Variants in WWOX observed in about 807,000 individuals in gnomAD.
The protein encoded by WWOX is WW domain-containing oxidoreductase.
WWOX carries 69 observed loss-of-function variants against 46.2 expected under a neutral mutation model. That is an observed-to-expected ratio of 1.49 (90% CI 1.23 to 1.82). The LOEUF (loss-of-function observed/expected upper bound fraction) is 1.82, where lower values mean the gene tolerates loss of function less well. WWOX is among the 40% of genes most tolerant of loss of function. The pLI is 0.00. For synonymous variants in WWOX, 359 were observed against 202.6 expected (o/e 1.77, Z -6.56); for missense variants, 919 against 542.6 (o/e 1.69, Z -6.89).
chr16:79,015,778 A>T (rs953724178), intron 8 of WWOX, among the ~76,000 whole-genome samples: 1 of 151,894 alleles, frequency 6.6e-6, no homozygotes, highest in African/African-American at 2.4e-5. Flanking sequence ...TCTGAGACAG[A>T]CTGTCGCTCT....
chr16:78,779,123 A>C (rs2050263715), intron 8 of WWOX, among the ~76,000 whole-genome samples: 2 of 152,152 alleles, frequency 1.3e-5, no homozygotes, highest in East Asian at 1.9e-4. Context: ...AGTGTTGGAA[A>C]ACATAAATGT....
chr16:78,675,692 T>C (rs2047580775), intron 8 of WWOX, among the ~76,000 whole-genome samples: 1 of 152,178 alleles, frequency 6.6e-6, no homozygotes, highest in Non-Finnish European at 1.5e-5. Context: ...CATGACTTTC[T>C]GGCCAGGCGC....
chr16:78,558,260 T>C (rs1260378812), intron 8 of WWOX, among the ~76,000 whole-genome samples: 2 of 152,238 alleles, frequency 1.3e-5, no homozygotes, highest in African/African-American at 4.8e-5. Flanking sequence ...GCCTGGAGTC[T>C]CCATCCTCGT....
At chr16:78,861,457 C>T (rs2043883711) in intron 8 of WWOX, among the ~76,000 whole-genome samples, 1 of 152,226 alleles carries the variant, frequency 6.6e-6, no homozygotes. Context: ...GTAATTATTA[C>T]ATGTGGCCAT....
At chr16:78,788,761 C>A (rs956915085) in intron 8 of WWOX, among the ~76,000 whole-genome samples, 1 of 152,114 alleles carries the variant, frequency 6.6e-6, no homozygotes, top group African/African-American at 2.4e-5. Flanking sequence ...CACCTGAAGC[C>A]CCTCAGCCAG....
At chr16:78,824,542 G>C (rs902999421) in intron 8 of WWOX, among the ~76,000 whole-genome samples, 1 of 152,104 alleles carries the variant, frequency 6.6e-6, no homozygotes, top group Non-Finnish European at 1.5e-5. Context: ...CCCGAGACTG[G>C]GAAGAAAAAG....
chr16:78,619,454 G>C lies in WWOX; in HGVS notation c.1056+186702G>C, dbSNP rs73582843. The stretch of plus-strand genomic sequence containing the variant: ...ATTTGTACACACTGCATGCACATGG[G>C]TGACCCGCACCCACATGTTATACAC... On this transcript the variant is annotated intron_variant, in intron 8 of 8. Coordinates refer to ENST00000566780, the MANE Select transcript of WWOX (RefSeq NM_016373.4). Among the ~76,000 whole-genome samples, 32 of 150,324 alleles carry C rather than the reference G, an allele frequency of 2.1e-4. No homozygotes were observed. In the Middle Eastern group the frequency reaches 0.01, roughly 49 times the overall value.
intron 8 of WWOX, among the ~76,000 whole-genome samples, chr16:79,169,588 G>C (rs1443035203): frequency 1.3e-5 from 2 of 152,194 alleles, no homozygotes; most frequent in African/African-American, 4.8e-5. Context: ...GAGGAATTTT[G>C]AGAATGTGCT....
chr16:78,658,052 G>T (rs534337228), intron 8 of WWOX, among the ~76,000 whole-genome samples: 2 of 151,894 alleles, frequency 1.3e-5, no homozygotes, highest in African/African-American at 4.8e-5. Context: ...TTCTTTGTTG[G>T]GGGGGATTTC....
chr16:79,125,708 G>A (rs2049738155), intron 8 of WWOX, among the ~76,000 whole-genome samples: 1 of 152,206 alleles, frequency 6.6e-6, no homozygotes, highest in South Asian at 2.1e-4. Flanking sequence ...TTGACATTGT[G>A]AATCCCTGAT....
intron 5 of WWOX, among the ~76,000 whole-genome samples, chr16:78,298,277 T>G (rs12596093): frequency 0.54 from 81,474 of 151,968 alleles, 22,568 homozygotes; most frequent in East Asian, 0.76. Context: ...CTGGGCCATC[T>G]TTCTTAGGCA....
At position 78,900,058 on chromosome 16, in the gene WWOX, T is replaced by A. The variant is rs917469999; in HGVS notation, c.1057-311550T>A. On this transcript the variant is annotated intron_variant, in intron 8 of 8. Coordinates refer to ENST00000566780, the MANE Select transcript of WWOX (RefSeq NM_016373.4). Reference sequence around the variant, plus strand: ...TGTGCAATATACAAGCCCTCCTGACTTTTTTTTTTTTTTTTTTTTTTCCTG... The same window carrying A: ...TGTGCAATATACAAGCCCTCCTGACATTTTTTTTTTTTTTTTTTTTTCCTG... 4.8e-3 allele frequency among the ~76,000 whole-genome samples: 351 copies of A among 72,922 alleles called. 2 individuals are homozygous for A. Among genetic ancestry groups the A allele is most frequent in the Non-Finnish European group, 7.4e-3 (281 of 37,932 alleles). 47.8% of individuals were successfully genotyped at this position (72,922 alleles called of 152,430 possible). A position where few individuals can be genotyped will look rare whatever the true frequency, so the allele number is the denominator to read the frequency against.
At chr16:79,050,947 G>A (rs542674321) in intron 8 of WWOX, among the ~76,000 whole-genome samples, 1 of 152,222 alleles carries the variant, frequency 6.6e-6, no homozygotes, top group Non-Finnish European at 1.5e-5. Flanking sequence ...AGAAATTACA[G>A]CCCAGATTAG....
chr16:78,730,683 C>G (rs1418454882), intron 8 of WWOX, among the ~76,000 whole-genome samples: 3 of 145,744 alleles, frequency 2.1e-5, no homozygotes, highest in Non-Finnish European at 4.5e-5. Context: ...TGGTCTTGAA[C>G]TCCTGGGCTC....
At chr16:79,073,738 C>T (rs893539177) in intron 8 of WWOX, among the ~76,000 whole-genome samples, 2 of 152,102 alleles carry the variant, frequency 1.3e-5, no homozygotes, top group African/African-American at 4.8e-5. Flanking sequence ...GGGACGTTAG[C>T]AGAACTGTCG....
intron 8 of WWOX, among the ~76,000 whole-genome samples, chr16:78,791,632 C>T (rs992012037): frequency 1.2e-4 from 18 of 152,084 alleles, no homozygotes; most frequent in Non-Finnish European, 2.5e-4. Flanking sequence ...AATCCCAGCA[C>T]TTTGGGATAA....
At chr16:78,103,301 A>G (rs537540745) in intron 1 of WWOX, among the ~76,000 whole-genome samples, 1 of 149,780 alleles carries the variant, frequency 6.7e-6, no homozygotes, top group South Asian at 2.1e-4. Flanking sequence ...ATACATGTGC[A>G]GGATGTGCAG....
At chr16:78,478,668 A>C (rs1199224897) in intron 8 of WWOX, among the ~76,000 whole-genome samples, 3 of 152,192 alleles carry the variant, frequency 2.0e-5, no homozygotes, top group South Asian at 2.1e-4. Context: ...GGTTCACTGC[A>C]CTGGCTGGCA....
At chr16:78,962,550 T>G (rs993730170) in intron 8 of WWOX, among the ~76,000 whole-genome samples, 1 of 152,050 alleles carries the variant, frequency 6.6e-6, no homozygotes, top group Non-Finnish European at 1.5e-5. Flanking sequence ...CTGAAATGGT[T>G]TTCCAAGTGA....
Sources: allele counts gnomAD v4.1 joint callset (sites outside exome capture counted in the v4.1 genomes callset), GRCh38; gene constraint gnomAD v4.1.1; transcripts MANE v1.5; gene names NCBI Gene and HGNC (gene_info 2026-07-23, HGNC 2026-07-21).